Variants in ARHGAP10 observed in about 807,000 individuals in gnomAD.
The protein encoded by ARHGAP10 is rho GTPase-activating protein 10.
ARHGAP10 carries 87 observed loss-of-function variants against 108.6 expected under a neutral mutation model. The observed-to-expected ratio is 0.80, with a 90% CI of 0.67 to 0.96. The LOEUF is 0.96. ARHGAP10 is among the 40% of genes least tolerant of loss of function. The pLI is 0.00. For synonymous variants in ARHGAP10, 347 were observed against 341.1 expected, an observed-to-expected ratio of 1.02 and a Z score of -0.19; for missense variants, 939 against 954.5, an observed-to-expected ratio of 0.98 and a Z score of 0.21.
intron 18 of ARHGAP10, among the ~76,000 whole-genome samples, chr4:147,980,588 G>A (rs1228967098): frequency 6.6e-6 from 1 of 152,062 alleles, no homozygotes; most frequent in Non-Finnish European, 1.5e-5. Context: ...TCTATTTTTT[G>A]GAATTGTTCC....
At position 148,050,334 on chromosome 4, in the gene ARHGAP10, C is replaced by A. The variant is rs185482500; in HGVS notation, c.2027+3283C>A. Among the ~76,000 whole-genome samples, 131 of 142,008 alleles carry A rather than the reference C, an allele frequency of 9.2e-4. 1 individual carries two copies. The highest frequency in any genetic ancestry group is 3.3e-3 in the African/African-American group (126 of 38,448). 93.2% of individuals were successfully genotyped at this position (142,008 alleles called of 152,430 possible). A position where few individuals can be genotyped will look rare whatever the true frequency, so the allele number is the denominator to read the frequency against. Reference sequence around the variant, plus strand: ...TCTGTGTTACTGAATGTCTCTTAGGCTACTACATTTGGTTTCTTACTCATC... The same window carrying A: ...TCTGTGTTACTGAATGTCTCTTAGGATACTACATTTGGTTTCTTACTCATC... On this transcript the variant is annotated intron_variant, in intron 20 of 22. Transcript: ENST00000336498.
intron 18 of ARHGAP10, among the ~76,000 whole-genome samples, chr4:148,010,673 C>G (rs941180939): frequency 1.1e-4 from 17 of 152,134 alleles, no homozygotes; most frequent in African/African-American, 3.6e-4. Flanking sequence ...GACATGGTCA[C>G]AATACTGTTA....
rs10049955 is a variant in ARHGAP10 at position 147,982,369 on chromosome 4, T to C, written c.1716+15530T>C. On this transcript the variant is annotated intron_variant, in intron 18 of 22. Coordinates refer to ENST00000336498, the MANE Select transcript of ARHGAP10 (RefSeq NM_024605.4). ...CTGGGTTTCTTTTCTTTCTTTCTTT[T>C]TTTTTTTTTTTTCTTTTTGAGACAG... Among the ~76,000 whole-genome samples the C allele has an allele frequency of 7.4e-3, 1,100 of 149,010 alleles. 12 individuals are homozygous for C. The highest frequency in any genetic ancestry group is 0.025 in the African/African-American group (1,034 of 40,674).
At chr4:147,804,353 T>G (rs982867367) in intron 1 of ARHGAP10, among the ~76,000 whole-genome samples, 7 of 152,248 alleles carry the variant, frequency 4.6e-5, no homozygotes, top group African/African-American at 1.7e-4. Context: ...TATGGCCATA[T>G]ATTATTCCAT....
chr4:147,864,902 T>C lies in ARHGAP10; in HGVS notation c.543T>C (p.Tyr181=). The change falls in exon 6 of 23, where the codon TAT becomes TAC. Residue 181 remains tyrosine, a synonymous_variant. Coordinates refer to ENST00000336498, the MANE Select transcript of ARHGAP10 (RefSeq NM_024605.4). Reference sequence around the variant, plus strand: ...ACTTCTATGAACTGTCTCTCGAGTATGTGTGTAAGCTGCAGGAAATCCAAG... The same window carrying C: ...ACTTCTATGAACTGTCTCTCGAGTACGTGTGTAAGCTGCAGGAAATCCAAG... ...RQHFYELSLE[Y]VCKLQEIQER... The C allele has an allele frequency of 6.2e-7, 1 of 1,614,110 alleles. No individual in the cohort carries two copies. The highest frequency in any genetic ancestry group is 8.5e-7 in the Non-Finnish European group (1 of 1,179,998).
At chr4:147,868,209 A>G (rs1337164293) in intron 7 of ARHGAP10, among the ~76,000 whole-genome samples, 1 of 151,906 alleles carries the variant, frequency 6.6e-6, no homozygotes, top group African/African-American at 2.4e-5. Flanking sequence ...TGCAGGTAGT[A>G]GAATATTGAG....
intron 18 of ARHGAP10, among the ~76,000 whole-genome samples, chr4:148,019,898 C>A (rs1382461575): frequency 6.6e-6 from 1 of 152,154 alleles, no homozygotes. Flanking sequence ...GGGATGATAG[C>A]TTAGCTTTCT....
At chr4:147,762,866 A>G (rs991537465) in intron 1 of ARHGAP10, among the ~76,000 whole-genome samples, 1 of 150,406 alleles carries the variant, frequency 6.6e-6, no homozygotes. Context: ...GTGGACTGTG[A>G]TGGGGAGTGG....
chr4:147,834,252 T>C (rs1733073635), intron 3 of ARHGAP10, among the ~76,000 whole-genome samples: 1 of 152,136 alleles, frequency 6.6e-6, no homozygotes, highest in African/African-American at 2.4e-5. Flanking sequence ...GAGGATTGCT[T>C]GAGCCCAGGA....
At chr4:148,049,761 A>G (rs1578827573) in intron 20 of ARHGAP10, among the ~76,000 whole-genome samples, 1 of 150,554 alleles carries the variant, frequency 6.6e-6, no homozygotes, top group Non-Finnish European at 1.5e-5. Context: ...TATCTAGCTA[A>G]TCTTTCCCTT....
intron 7 of ARHGAP10, among the ~76,000 whole-genome samples, chr4:147,870,429 T>G (rs1387150168): frequency 6.6e-6 from 1 of 152,238 alleles, no homozygotes; most frequent in East Asian, 1.9e-4. Context: ...ATAAATATTT[T>G]GGTCATCTTT....
chr4:147,770,485 A>C (rs919410879), intron 1 of ARHGAP10, among the ~76,000 whole-genome samples: 1 of 152,228 alleles, frequency 6.6e-6, no homozygotes, highest in East Asian at 1.9e-4. Flanking sequence ...AGATTGTGCT[A>C]CTGCACTCCA....
intron 1 of ARHGAP10, among the ~76,000 whole-genome samples, chr4:147,819,418 A>G (rs554361303): frequency 6.6e-6 from 1 of 152,214 alleles, no homozygotes; most frequent in Non-Finnish European, 1.5e-5. Flanking sequence ...ACAGCAAAAT[A>G]GAATAATGTG....
chr4:147,901,079 T>C (rs1198875291), intron 10 of ARHGAP10, among the ~76,000 whole-genome samples: 1 of 152,246 alleles, frequency 6.6e-6, no homozygotes, highest in Non-Finnish European at 1.5e-5. Flanking sequence ...AGAATTTTTA[T>C]ATTTTGGTTT....
At chr4:148,023,039 C>G in intron 18 of ARHGAP10, 1 of 453,456 alleles carries the variant, frequency 2.2e-6, no homozygotes, top group East Asian at 3.5e-5. Context: ...ATATAACAAT[C>G]TGATGTTGTT....
chr4:147,969,016 C>A (rs529681878), intron 18 of ARHGAP10, among the ~76,000 whole-genome samples: 20 of 152,238 alleles, frequency 1.3e-4, no homozygotes, highest in Non-Finnish European at 2.4e-4. Flanking sequence ...ATCTTTTTGT[C>A]CACTTATAGT....
chr4:147,836,656 A>C (rs1471142032), intron 3 of ARHGAP10, among the ~76,000 whole-genome samples: 2 of 142,324 alleles, frequency 1.4e-5, no homozygotes, highest in African/African-American at 5.0e-5. Flanking sequence ...CCTTAAATCT[A>C]AGTACCAAGT....
intron 11 of ARHGAP10, among the ~76,000 whole-genome samples, chr4:147,908,565 G>T (rs1736597616): frequency 6.6e-6 from 1 of 152,198 alleles, no homozygotes; most frequent in Non-Finnish European, 1.5e-5. Flanking sequence ...CATATTTTTG[G>T]TGGGTGTTGT....
intron 1 of ARHGAP10, among the ~76,000 whole-genome samples, chr4:147,760,019 G>C (rs1277519192): frequency 1.3e-5 from 2 of 152,150 alleles, no homozygotes; most frequent in African/African-American, 4.8e-5. Context: ...CAAAGTGCTG[G>C]AATTATAGGC....
Sources: allele counts gnomAD v4.1 joint callset (sites outside exome capture counted in the v4.1 genomes callset), GRCh38; gene constraint gnomAD v4.1.1; transcripts MANE v1.5; gene names NCBI Gene and HGNC (gene_info 2026-07-23, HGNC 2026-07-21).